ESRRG: variants seen among roughly 807,000 people sequenced by gnomAD.
ESRRG encodes estrogen-related receptor gamma.
Under a neutral mutation model 44.0 loss-of-function variants are expected in ESRRG, and 13 were observed. That is an observed-to-expected ratio of 0.30 (90% CI 0.19 to 0.47). ESRRG has a LOEUF of 0.47. Ranked by LOEUF, ESRRG falls within the 20% of genes least tolerant of loss-of-function variation. The pLI is 1.00. For missense variants in ESRRG, 395 were observed against 580.6 expected, an observed-to-expected ratio of 0.68 and a Z score of 3.29; for synonymous variants, 215 against 214.6, an observed-to-expected ratio of 1.00 and a Z score of -0.02.
At chr1:216,723,578 G>C, upstream of ESRRG, 2 of 448,756 alleles carry the variant, frequency 4.5e-6, no homozygotes, top group Non-Finnish European at 8.0e-6. Context: ...AGGCTGCACG[G>C]AGCGAGAGGA....
rs2094787621 is a variant in ESRRG, at chr1:216,806,234, T to C, written c.-13-128743A>G. On this transcript the variant is annotated intron_variant, in intron 2 of 7. Coordinates refer to the ESRRG transcript ENST00000359162. ...GGCTAACATGCAGCAATTAGTCTAA[T>C]TAATGTGAAACAATGAGCTGTGTTA... 9.8e-5 allele frequency among the ~76,000 whole-genome samples: 15 copies of C among 152,320 alleles called. No homozygotes were observed. The South Asian group carries it at 2.9e-3, about 29-fold the overall frequency.
At chr1:216,752,235 T>C (rs2092089853) in intron 2 of ESRRG, among the ~76,000 whole-genome samples, 1 of 152,130 alleles carries the variant, frequency 6.6e-6, no homozygotes. Flanking sequence ...TTTGCTTCAA[T>C]AGCAAGAGAG....
intron 5 of ESRRG, among the ~76,000 whole-genome samples, chr1:216,558,283 A>C (rs2057999171): frequency 6.6e-6 from 1 of 152,144 alleles, no homozygotes; most frequent in South Asian, 2.1e-4. Flanking sequence ...TTTCGATGCC[A>C]TAGTTGTGAC....
chr1:217,016,232 G>A (rs538617556), intron 1 of ESRRG, among the ~76,000 whole-genome samples: 7 of 152,196 alleles, frequency 4.6e-5, no homozygotes, highest in South Asian at 2.1e-4. Context: ...CTTACTCATC[G>A]CAAGTGTAAC....
chr1:216,736,733 G>A (rs2089989502), intron 2 of ESRRG, among the ~76,000 whole-genome samples: 1 of 152,126 alleles, frequency 6.6e-6, no homozygotes, highest in African/African-American at 2.4e-5. Flanking sequence ...TCTCCATCAA[G>A]TAGAAGCTGG....
intron 5 of ESRRG, among the ~76,000 whole-genome samples, chr1:216,523,392 T>C (rs7534873): frequency 2.3e-3 from 346 of 152,180 alleles, no homozygotes; most frequent in African/African-American, 7.2e-3. Context: ...CCTGAGGTAA[T>C]AGGCTTGAAG....
At chr1:216,514,842 A>G (rs192561132) in intron 6 of ESRRG, among the ~76,000 whole-genome samples, 5 of 152,264 alleles carry the variant, frequency 3.3e-5, no homozygotes, top group Non-Finnish European at 7.4e-5. Context: ...AAATGTCTAC[A>G]GAAAGATTCT....
At chr1:216,983,542 TC>T (rs1243066519) in intron 1 of ESRRG, among the ~76,000 whole-genome samples, 1 of 152,132 alleles carries the variant, frequency 6.6e-6, no homozygotes, top group African/African-American at 2.4e-5. Context: ...GTGAGGGAGT[TC>T]CATGACACAT....
At chr1:217,065,745 A>G (rs905312960) in intron 1 of ESRRG, among the ~76,000 whole-genome samples, 1 of 152,232 alleles carries the variant, frequency 6.6e-6, no homozygotes, top group Non-Finnish European at 1.5e-5. Flanking sequence ...TGGCAAAGAG[A>G]GAGTTACACA....
At chr1:217,133,631 T>TCTCTCTCTC (rs2092998462) in intron 1 of ESRRG, among the ~76,000 whole-genome samples, 2 of 58,450 alleles carry the variant, frequency 3.4e-5, no homozygotes. Flanking sequence ...CTTTCTTTCT[T>TCTCTCTCTC]TCTCTCTCTC....
At chr1:216,579,147 G>A (rs533688358) in intron 3 of ESRRG, among the ~76,000 whole-genome samples, 47 of 151,972 alleles carry the variant, frequency 3.1e-4, no homozygotes, top group Non-Finnish European at 3.4e-4. Context: ...AATTCTATCT[G>A]GTTTCAGTAA....
intron 1 of ESRRG, among the ~76,000 whole-genome samples, chr1:217,084,501 T>C (rs1403928842): frequency 6.6e-6 from 1 of 152,202 alleles, no homozygotes; most frequent in Non-Finnish European, 1.5e-5. Flanking sequence ...CTCTATAACG[T>C]AGATATCTGG....
chr1:217,034,894 C>G (rs545265977), intron 1 of ESRRG, among the ~76,000 whole-genome samples: 1 of 152,082 alleles, frequency 6.6e-6, no homozygotes, highest in Non-Finnish European at 1.5e-5. Context: ...AGGGTCAAGA[C>G]CCAGGATTTC....
intron 1 of ESRRG, among the ~76,000 whole-genome samples, chr1:217,111,504 T>C (rs978094562): frequency 6.6e-5 from 10 of 152,220 alleles, no homozygotes; most frequent in Admixed American, 2.0e-4. Flanking sequence ...GTCCATGGCA[T>C]TCAAAACTAT....
intron 1 of ESRRG, among the ~76,000 whole-genome samples, chr1:216,683,855 T>C (rs2077467133): frequency 6.6e-6 from 1 of 152,186 alleles, no homozygotes. Context: ...GTTGGTCAAC[T>C]ATCCTGGTTT....
At chr1:216,819,031 G>C (rs1282255581) in intron 2 of ESRRG, among the ~76,000 whole-genome samples, 1 of 152,094 alleles carries the variant, frequency 6.6e-6, no homozygotes, top group Admixed American at 6.6e-5. Flanking sequence ...CATTTGGGTT[G>C]ATTTCATGTC....
intron 3 of ESRRG, among the ~76,000 whole-genome samples, chr1:216,649,760 AT>A (rs1379143708): frequency 6.6e-6 from 1 of 152,140 alleles, no homozygotes; most frequent in African/African-American, 2.4e-5. Context: ...GAGAAATACA[AT>A]GTGAATTCCA....
intron 3 of ESRRG, among the ~76,000 whole-genome samples, chr1:216,597,809 C>T (rs549597355): frequency 6.6e-6 from 1 of 152,246 alleles, no homozygotes; most frequent in African/African-American, 2.4e-5. Flanking sequence ...ACTTCTAGAG[C>T]CACTGATGGA....
chr1:216,998,924 T>TGG (rs1385358796), intron 1 of ESRRG, among the ~76,000 whole-genome samples: 2 of 152,208 alleles, frequency 1.3e-5, no homozygotes, highest in African/African-American at 2.4e-5. Flanking sequence ...GACATTCACA[T>TGG]TTGCGTGGTT....
Sources: allele counts gnomAD v4.1 joint callset (sites outside exome capture counted in the v4.1 genomes callset), GRCh38; gene constraint gnomAD v4.1.1; transcripts MANE v1.5; gene names NCBI Gene and HGNC (gene_info 2026-07-23, HGNC 2026-07-21).